The following CNKSR3 variants were observed in gnomAD, a reference collection of about 807,000 sequenced individuals.
The protein encoded by CNKSR3 is connector enhancer of kinase suppressor of ras 3.
In CNKSR3, 36 loss-of-function variants were observed where a neutral mutation model predicts 67.7. The ratio of observed to expected loss-of-function variants is 0.53; its 90% CI spans 0.41 to 0.70. The LOEUF (loss-of-function observed/expected upper bound fraction) is 0.70, where lower values mean the gene tolerates loss of function less well. Ranked by LOEUF, CNKSR3 falls within the 30% of genes least tolerant of loss-of-function variation. The pLI, the probability that CNKSR3 is intolerant of heterozygous loss-of-function variation, is 0.00. For synonymous variants in CNKSR3, 281 were observed against 271.4 expected, an observed-to-expected ratio of 1.04 and a Z score of -0.35; for missense variants, 630 against 695.2, an observed-to-expected ratio of 0.91 and a Z score of 1.05.
chr6:154,490,415 C>T (rs1333989038), intron 1 of CNKSR3, among the ~76,000 whole-genome samples: 13 of 152,174 alleles, frequency 8.5e-5, no homozygotes, highest in African/African-American at 3.1e-4. Context: ...GTATATATAT[C>T]ATATGTATTA....
At chr6:154,432,760 C>G (rs9322465) in intron 5 of CNKSR3, among the ~76,000 whole-genome samples, 7,146 of 152,260 alleles carry the variant, frequency 0.047, 191 homozygotes, top group African/African-American at 0.073. Context: ...AAGTGGTCTC[C>G]TTATAGAAGT....
intron 11 of CNKSR3, 28 bp downstream of exon 11, chr6:154,410,906 C>T (rs749682453): frequency 6.3e-7 from 1 of 1,576,804 alleles, no homozygotes; most frequent in East Asian, 2.2e-5. Context: ...AGGCCAACGG[C>T]AGAACAAAAC....
intron 4 of CNKSR3, among the ~76,000 whole-genome samples, chr6:154,435,259 T>G (rs528894181): frequency 2.0e-5 from 3 of 152,062 alleles, no homozygotes; most frequent in Non-Finnish European, 4.4e-5. Flanking sequence ...CCTCCCAAAA[T>G]GCTAGGGTTA....
intron 1 of CNKSR3, among the ~76,000 whole-genome samples, chr6:154,508,706 T>C (rs530454230): frequency 1.3e-5 from 2 of 152,274 alleles, no homozygotes; most frequent in Admixed American, 1.3e-4. Flanking sequence ...CAGAAACATG[T>C]GTTGTTTTTA....
rs569969460 is a variant in CNKSR3, at chr6:154,450,896, AAGAG to A, written c.53-642_53-639del. ...TTTCTGAGAATAAATCCATTTGAGAAAGAGAGAGAGAAAATGCCCCCAATAATAT... is the reference window on the plus strand; with the variant it reads ...TTTCTGAGAATAAATCCATTTGAGAAAGAGAGAAAATGCCCCCAATAATAT... On this transcript the variant is annotated intron_variant, in intron 1 of 12. Transcript: ENST00000607772. 1.5e-4 allele frequency among the ~76,000 whole-genome samples: 23 copies of A among 152,348 alleles called. No homozygotes were observed. The East Asian group carries it at 3.8e-3, about 25-fold the overall frequency.
chr6:154,435,107 C>T (rs1408408044), intron 4 of CNKSR3, among the ~76,000 whole-genome samples: 7 of 151,712 alleles, frequency 4.6e-5, no homozygotes, highest in African/African-American at 7.3e-5. Context: ...GTGATCCTCC[C>T]GCCTCAGCCT....
intron 5 of CNKSR3, 57 bp downstream of exon 5, chr6:154,433,409 G>C: frequency 8.3e-7 from 1 of 1,209,228 alleles, no homozygotes; most frequent in African/African-American, 1.5e-5. Flanking sequence ...TACTTAATGT[G>C]ATTCCCACTG....
intron 1 of CNKSR3, among the ~76,000 whole-genome samples, chr6:154,470,975 A>G (rs1786318119): frequency 6.6e-6 from 1 of 152,194 alleles, no homozygotes; most frequent in Non-Finnish European, 1.5e-5. Context: ...TATAGCCATA[A>G]TAGTGGGTAA....
chr6:154,473,312 A>G (rs1188412540), intron 1 of CNKSR3, among the ~76,000 whole-genome samples: 1 of 152,218 alleles, frequency 6.6e-6, no homozygotes, highest in Non-Finnish European at 1.5e-5. Flanking sequence ...ATCATTTTCT[A>G]TGCGTTAGGC....
chr6:154,476,735 T>C (rs1786460695), intron 1 of CNKSR3, among the ~76,000 whole-genome samples: 1 of 152,214 alleles, frequency 6.6e-6, no homozygotes, highest in South Asian at 2.1e-4. Flanking sequence ...TTCTGAATAA[T>C]TCATTCTTTC....
At position 154,396,386 on chromosome 6, in the gene CNKSR3, T is replaced by C. The variant is rs930507573; in HGVS notation, c.*9968A>G. The C allele has an allele frequency of 2.0e-5, 3 of 152,240 alleles. No individual in the cohort carries two copies. The highest frequency in any genetic ancestry group is 1.9e-4 in the East Asian group (1 of 5,206). The allele number at this position is 152,240 out of a possible 1,614,324, so 9.4% of individuals were successfully genotyped here. On this transcript the variant is annotated 3_prime_UTR_variant, in exon 13 of 13. Coordinates refer to ENST00000607772, the MANE Select transcript of CNKSR3 (RefSeq NM_173515.4). ...CAATGTAATAAAATTCTTTATGGAA[T>C]AGTCTGCAAAATGCTTTAATATATT... is the stretch of plus-strand genomic sequence containing the variant.
intron 12 of CNKSR3, among the ~76,000 whole-genome samples, chr6:154,408,986 G>A (rs914556553): frequency 2.1e-4 from 32 of 152,250 alleles, no homozygotes; most frequent in African/African-American, 7.0e-4. Flanking sequence ...TCAGATGAAC[G>A]GCAAGGAAGA....
chr6:154,437,743 GCTTGTCAAGAGCA>G (rs1186722498), intron 4 of CNKSR3, among the ~76,000 whole-genome samples: 8 of 151,660 alleles, frequency 5.3e-5, no homozygotes, highest in African/African-American at 1.9e-4. Context: ...CAGAACATGC[GCTTGTCAAGAGCA>G]CTTGTCAAGA....
intron 1 of CNKSR3, among the ~76,000 whole-genome samples, chr6:154,464,234 GA>G (rs1786144366): frequency 1.3e-5 from 2 of 152,174 alleles, no homozygotes; most frequent in Non-Finnish European, 2.9e-5. Context: ...GGTGGAGGGT[GA>G]AAGCCTCCCT....
intron 1 of CNKSR3, among the ~76,000 whole-genome samples, chr6:154,469,944 T>C (rs74332118): frequency 0.014 from 2,080 of 152,260 alleles, 20 homozygotes; most frequent in African/African-American, 0.019. Context: ...CTTAATTTTT[T>C]CTGATATTTT....
intron 12 of CNKSR3, among the ~76,000 whole-genome samples, chr6:154,407,891 A>AC (rs980409892): frequency 1.3e-5 from 2 of 151,078 alleles, no homozygotes; most frequent in African/African-American, 4.8e-5. Flanking sequence ...AAAAAAAAAA[A>AC]AAAACCTAAA....
chr6:154,401,614 A>C lies in CNKSR3; in HGVS notation c.*4740T>G, dbSNP rs1784718679. 1 of 152,260 alleles carries C rather than the reference A, an allele frequency of 6.6e-6. No homozygotes were observed. Among genetic ancestry groups the C allele is most frequent in the South Asian group, 2.1e-4 (1 of 4,836 alleles). 9.4% of individuals were successfully genotyped at this position (152,260 alleles called of 1,614,324 possible). A position where few individuals can be genotyped will look rare whatever the true frequency, so the allele number is the denominator to read the frequency against. ...TGAGCAGTCATACCAAAAGTAGTTT[A>C]CTTTTAAGATGTCCATCTTCCACAG... On this transcript the variant is annotated 3_prime_UTR_variant, in exon 13 of 13. Transcript: ENST00000607772.
chr6:154,481,813 C>G (rs1022414115), intron 1 of CNKSR3, among the ~76,000 whole-genome samples: 17 of 152,172 alleles, frequency 1.1e-4, no homozygotes, highest in African/African-American at 4.1e-4. Flanking sequence ...GTAATAATGA[C>G]AGCATTCCAA....
intron 3 of CNKSR3, 74 bp from the exon 4 acceptor site, chr6:154,441,453 A>T: frequency 9.4e-7 from 1 of 1,066,434 alleles, no homozygotes; most frequent in Non-Finnish European, 1.5e-6. Context: ...GTTGGTAAGC[A>T]TAGCTACCCC....
Sources: gnomAD v4.1 joint callset for allele counts (sites outside exome capture counted in the v4.1 genomes callset) on GRCh38, gnomAD v4.1.1 for gene constraint, MANE v1.5 for transcripts, NCBI Gene and HGNC (gene_info 2026-07-23, HGNC 2026-07-21) for gene names.